Variants in FAM193A observed in about 807,000 individuals in gnomAD.
FAM193A encodes the protein protein FAM193A.
Under a neutral mutation model 126.5 loss-of-function variants are expected in FAM193A, and 22 were observed. That is an observed-to-expected ratio of 0.17 (90% CI 0.12 to 0.25). The LOEUF (loss-of-function observed/expected upper bound fraction) is 0.25, where lower values mean the gene tolerates loss of function less well. Among genes scored for constraint, FAM193A ranks in the 10% least tolerant of loss-of-function variants. The pLI, the probability that FAM193A is intolerant of heterozygous loss-of-function variation, is 1.00. For synonymous variants in FAM193A, 761 were observed against 646.8 expected (o/e 1.18, Z -2.68); for missense variants, 1,675 against 1,672.8 (o/e 1.00, Z -0.02).
intron 20 of FAM193A, among the ~76,000 whole-genome samples, chr4:2,716,462 G>T (rs535465905): frequency 2.0e-4 from 30 of 152,290 alleles, no homozygotes; most frequent in Admixed American, 9.8e-4. Context: ...ACTTAGACCT[G>T]TCGGATCAGA....
chr4:2,550,112 C>G (rs1475360003), intron 1 of FAM193A, among the ~76,000 whole-genome samples: 1 of 150,614 alleles, frequency 6.6e-6, no homozygotes, highest in African/African-American at 2.4e-5. Flanking sequence ...TTTCTGCTCA[C>G]TGCAACCTCT....
intron 1 of FAM193A, among the ~76,000 whole-genome samples, chr4:2,574,170 T>A (rs764610190): frequency 6.6e-6 from 1 of 151,772 alleles, no homozygotes; most frequent in Non-Finnish European, 1.5e-5. Flanking sequence ...CAGTTAGAGA[T>A]GTGGTGTCAG....
intron 1 of FAM193A, among the ~76,000 whole-genome samples, chr4:2,567,598 G>T (rs1560448457): frequency 6.6e-6 from 1 of 152,044 alleles, no homozygotes; most frequent in Admixed American, 6.5e-5. Context: ...GTGAGAAGAT[G>T]ATTTTATTTT....
rs181355061 is a variant in FAM193A at position 2,637,259 on chromosome 4, G to A, written c.1039-2476G>A. 2.9e-3 allele frequency among the ~76,000 whole-genome samples: 435 copies of A among 152,288 alleles called. 1 individual carries two copies. Among genetic ancestry groups the A allele is most frequent in the African/African-American group, 7.8e-3 (324 of 41,556 alleles). ...AGAGGATTGCTTGAGCCTGGGAGGC[G>A]GAGGTTGCAGTGAGCCAAGATTACA... On this transcript the variant is annotated intron_variant, in intron 5 of 20. Coordinates refer to ENST00000637812, the MANE Select transcript of FAM193A (RefSeq NM_001366318.2).
intron 8 of FAM193A, 54 bp downstream of exon 8, chr4:2,657,934 G>A: frequency 8.3e-7 from 1 of 1,201,328 alleles, no homozygotes; most frequent in Non-Finnish European, 1.2e-6. Flanking sequence ...TGTCCTGACA[G>A]CAAATGACTT....
Position 2,700,044 on chromosome 4 carries a change from G to A in FAM193A, c.3872G>A (p.Gly1291Glu), listed in dbSNP as rs1717527984. The change falls in exon 19 of 21, where the codon GGG (glycine) becomes GAG (glutamate). Residue 1291 changes from glycine to glutamate, a missense_variant. This residue lies in a region of FAM193A where 415 missense variants were observed against 396.7 expected (regional missense o/e 1.05). Coordinates refer to ENST00000637812, the MANE Select transcript of FAM193A (RefSeq NM_001366318.2). ...MNHSEPRPGL[G>E]ADGDAADPVD... ...CACTCAGAGCCCAGGCCAGGGCTAG[G>A]GGCTGATGGGGATGCTGCAGACCCC... is the stretch of plus-strand genomic sequence containing the variant. 6.2e-7 allele frequency: 1 copy of A among 1,613,938 alleles called. No homozygotes were observed.
intron 1 of FAM193A, among the ~76,000 whole-genome samples, chr4:2,577,429 T>G (rs1029020135): frequency 6.8e-6 from 1 of 147,404 alleles, no homozygotes; most frequent in Non-Finnish European, 1.5e-5. Flanking sequence ...TTTGTTTTTT[T>G]TTTTTTTGAG....
chr4:2,629,539 AT>A (rs1319007149), intron 4 of FAM193A, among the ~76,000 whole-genome samples: 2 of 152,200 alleles, frequency 1.3e-5, no homozygotes, highest in African/African-American at 4.8e-5. Flanking sequence ...CTTGTCTTTT[AT>A]AGCCTAGGTA....
In FAM193A at chr4:2,729,523, G is replaced by A. The variant is rs1212142527; in HGVS notation, c.4455-2252G>A. On this transcript the variant is annotated intron_variant, in intron 20 of 20. Transcript: ENST00000637812. ...CCTTTTGTTTCTGCTCTAGAGCTTTGTAATGAACTTCCACTCCTGTTCTAA... is the reference window on the plus strand; with the variant it reads ...CCTTTTGTTTCTGCTCTAGAGCTTTATAATGAACTTCCACTCCTGTTCTAA... Among the ~76,000 whole-genome samples, 5 of 152,172 alleles carry A rather than the reference G, an allele frequency of 3.3e-5. No individual in the cohort carries two copies. The South Asian group carries it at 8.3e-4, about 25-fold the overall frequency.
chr4:2,679,740 A>G (rs1714883070), intron 13 of FAM193A, among the ~76,000 whole-genome samples: 1 of 152,002 alleles, frequency 6.6e-6, no homozygotes, highest in African/African-American at 2.4e-5. Context: ...CATGAGTTAG[A>G]AAGTGTTCCC....
intron 7 of FAM193A, among the ~76,000 whole-genome samples, chr4:2,657,286 C>T (rs184811846): frequency 1.3e-5 from 2 of 152,280 alleles, no homozygotes; most frequent in African/African-American, 2.4e-5. Flanking sequence ...AACCGACTTT[C>T]GGTTTTATTA....
intron 12 of FAM193A, among the ~76,000 whole-genome samples, chr4:2,668,983 C>T (rs1713475548): frequency 6.6e-6 from 1 of 152,232 alleles, no homozygotes; most frequent in East Asian, 1.9e-4. Context: ...GCTGGGATCA[C>T]AGGCAAGCAC....
At chr4:2,652,138 A>G (rs1184649507) in intron 7 of FAM193A, among the ~76,000 whole-genome samples, 2 of 151,998 alleles carry the variant, frequency 1.3e-5, no homozygotes, top group African/African-American at 2.4e-5. Context: ...TTTGCAGAGT[A>G]CCCTTCATGG....
At chr4:2,683,169 T>G (rs1715344022) in intron 13 of FAM193A, among the ~76,000 whole-genome samples, 1 of 152,238 alleles carries the variant, frequency 6.6e-6, no homozygotes, top group Non-Finnish European at 1.5e-5. Context: ...CCCTCTGTCC[T>G]TGCTGGCATG....
chr4:2,696,808 T>G (rs1434530647), intron 18 of FAM193A, among the ~76,000 whole-genome samples: 1 of 152,132 alleles, frequency 6.6e-6, no homozygotes, highest in East Asian at 1.9e-4. Flanking sequence ...GGAAATTACT[T>G]CCCCTTTTGT....
intron 2 of FAM193A, among the ~76,000 whole-genome samples, chr4:2,624,064 G>A (rs868776170): frequency 2.0e-5 from 3 of 152,142 alleles, no homozygotes; most frequent in Non-Finnish European, 4.4e-5. Context: ...CCTTGGTGCC[G>A]ATGGAAGGGT....
chr4:2,595,422 T>G (rs1740801783), intron 1 of FAM193A, among the ~76,000 whole-genome samples: 1 of 152,216 alleles, frequency 6.6e-6, no homozygotes, highest in African/African-American at 2.4e-5. Context: ...GTGGTTATCT[T>G]TTGAGAGGTT....
intron 1 of FAM193A, among the ~76,000 whole-genome samples, chr4:2,580,645 A>G (rs1240741914): frequency 6.6e-6 from 1 of 152,160 alleles, no homozygotes; most frequent in Non-Finnish European, 1.5e-5. Context: ...TGGTTGTTAA[A>G]AAGAGTCTGG....
intron 5 of FAM193A, among the ~76,000 whole-genome samples, chr4:2,633,967 C>T (rs756116282): frequency 2.0e-5 from 3 of 152,124 alleles, no homozygotes; most frequent in African/African-American, 4.8e-5. Flanking sequence ...TGGTGAAAAA[C>T]CAATTGAAAG....
Sources: gnomAD v4.1 joint callset for allele counts (sites outside exome capture counted in the v4.1 genomes callset) on GRCh38, gnomAD v4.1.1 for gene constraint, gnomAD v4.1.1 regional missense constraint, MANE v1.5 for transcripts, NCBI Gene and HGNC (gene_info 2026-07-23, HGNC 2026-07-21) for gene names.